Variants in STAG1 observed in about 807,000 individuals in gnomAD.
STAG1 encodes cohesin subunit SA-1.
Under a neutral mutation model 170.9 loss-of-function variants are expected in STAG1, and 26 were observed. That is an observed-to-expected ratio of 0.15 (90% confidence interval 0.11 to 0.21). The LOEUF is 0.21. STAG1 is among the 10% of genes least tolerant of loss of function. The pLI is 1.00. For synonymous variants in STAG1, 514 were observed against 497.7 expected, an observed-to-expected ratio of 1.03 and a Z score of -0.44; for missense variants, 964 against 1,509.5, an observed-to-expected ratio of 0.64 and a Z score of 5.99.
At chr3:136,523,486 ATTGCAAAAATCTTCTCCCATTCTGTAGG>A (rs1440907495) in intron 6 of STAG1, among the ~76,000 whole-genome samples, 211 of 152,162 alleles carry the variant, frequency 1.4e-3, no homozygotes, top group Non-Finnish European at 1.7e-3. Flanking sequence ...AGATGAGTAG[ATTGCAAAAATCTTCTCCCATTCTGTAGG>A]TTGCAAAAAT....
chr3:136,654,311 A>T (rs1414238707), intron 1 of STAG1, among the ~76,000 whole-genome samples: 1 of 152,226 alleles, frequency 6.6e-6, no homozygotes, highest in Non-Finnish European at 1.5e-5. Context: ...AAGTCAACAC[A>T]CATAAAAAAA....
chr3:136,662,038 GC>G (rs1941599892), intron 1 of STAG1, among the ~76,000 whole-genome samples: 1 of 152,064 alleles, frequency 6.6e-6, no homozygotes, highest in Non-Finnish European at 1.5e-5. Flanking sequence ...ATCCTAATAA[GC>G]TGACGTTTCT....
At chr3:136,532,741 T>C (rs1206380506) in intron 6 of STAG1, among the ~76,000 whole-genome samples, 1 of 152,080 alleles carries the variant, frequency 6.6e-6, no homozygotes, top group Non-Finnish European at 1.5e-5. Flanking sequence ...AAATTCTCAA[T>C]AAACTAGGCA....
At chr3:136,670,763 T>C (rs894681109) in intron 1 of STAG1, among the ~76,000 whole-genome samples, 1 of 151,512 alleles carries the variant, frequency 6.6e-6, no homozygotes, top group Non-Finnish European at 1.5e-5. Flanking sequence ...TGAGCCACCA[T>C]GCCCGGACTT....
chr3:136,536,703 CAAAAAAAAAA>C (rs11321017), intron 6 of STAG1, among the ~76,000 whole-genome samples: 1 of 70,934 alleles, frequency 1.4e-5, no homozygotes, highest in South Asian at 5.4e-4. Flanking sequence ...ACTCAGTCTC[CAAAAAAAAAA>C]AAAAAAAAAA....
At chr3:136,551,198 TGAGA>T (rs200132855) in intron 5 of STAG1, among the ~76,000 whole-genome samples, 4 of 43,130 alleles carry the variant, frequency 9.3e-5, no homozygotes, top group Middle Eastern at 0.016. Context: ...AGAGAGAGGT[TGAGA>T]GAGAGTGAGA....
chr3:136,507,245 G>C (rs1933812229), intron 7 of STAG1, among the ~76,000 whole-genome samples: 1 of 152,164 alleles, frequency 6.6e-6, no homozygotes, highest in Admixed American at 6.5e-5. Flanking sequence ...GCTATTATTT[G>C]CATATAACAT....
intron 13 of STAG1, among the ~76,000 whole-genome samples, chr3:136,455,180 C>T (rs2089072672): frequency 6.6e-6 from 1 of 152,116 alleles, no homozygotes; most frequent in African/African-American, 2.4e-5. Flanking sequence ...GTTGTGATAT[C>T]AGCAAGATGG....
At position 136,594,081 on chromosome 3, in the gene STAG1, T is replaced by C. The variant is rs187750275; in HGVS notation, c.297+10228A>G. 5.3e-5 allele frequency among the ~76,000 whole-genome samples: 8 copies of C among 152,360 alleles called. No individual in the cohort carries two copies. In the East Asian group the frequency reaches 1.5e-3, roughly 29 times the overall value. On this transcript the variant is annotated intron_variant, in intron 4 of 33. Transcript: ENST00000383202. ...ATATTAGAAAATTATTAAAACACTTTTATCCATTCTATTAATAGCTCAGAA... is the reference window on the plus strand; with the variant it reads ...ATATTAGAAAATTATTAAAACACTTCTATCCATTCTATTAATAGCTCAGAA...
chr3:136,456,075 C>A (rs190670939), intron 13 of STAG1, among the ~76,000 whole-genome samples: 77 of 152,272 alleles, frequency 5.1e-4, no homozygotes, highest in African/African-American at 1.8e-3. Flanking sequence ...AAAGTGGAAG[C>A]GGTAGCTATC....
chr3:136,519,738 A>T (rs920678396), intron 7 of STAG1, among the ~76,000 whole-genome samples: 4 of 152,108 alleles, frequency 2.6e-5, no homozygotes, highest in African/African-American at 9.7e-5. Flanking sequence ...TGAATAATAA[A>T]CAGTATTTTT....
chr3:136,495,739 C>T (rs1933047222), intron 9 of STAG1, among the ~76,000 whole-genome samples: 1 of 151,948 alleles, frequency 6.6e-6, no homozygotes, highest in Non-Finnish European at 1.5e-5. Context: ...GAGGCTGAGG[C>T]AGGTGGCTCG....
At chr3:136,604,858 C>T (rs1024341625) in intron 3 of STAG1, among the ~76,000 whole-genome samples, 2 of 152,114 alleles carry the variant, frequency 1.3e-5, no homozygotes, top group Non-Finnish European at 2.9e-5. Flanking sequence ...CCATGTTGGC[C>T]AGGCTGGTCT....
At chr3:136,741,093 G>A (rs1934645604) in intron 1 of STAG1, among the ~76,000 whole-genome samples, 1 of 152,202 alleles carries the variant, frequency 6.6e-6, no homozygotes, top group Non-Finnish European at 1.5e-5. Context: ...GTTATATAGT[G>A]AAGGGTCCTG....
intron 4 of STAG1, among the ~76,000 whole-genome samples, chr3:136,582,148 TACCATAGTTC>T (rs1937603702): frequency 1.3e-5 from 2 of 148,498 alleles, no homozygotes; most frequent in Non-Finnish European, 3.0e-5. Context: ...AAAAAGTGCT[TACCATAGTTC>T]CTGCTATAGG....
At chr3:136,570,544 C>G (rs527660714) in intron 4 of STAG1, among the ~76,000 whole-genome samples, 1 of 152,156 alleles carries the variant, frequency 6.6e-6, no homozygotes. Context: ...TATTACAGAA[C>G]CAAGAGCAGA....
At chr3:136,565,116 AAGAAAGGAAAG>A (rs1166019112) in intron 5 of STAG1, among the ~76,000 whole-genome samples, 4 of 147,530 alleles carry the variant, frequency 2.7e-5, no homozygotes, top group South Asian at 4.6e-4. Flanking sequence ...AAGAGAGAGA[AAGAAAGGAAAG>A]AGAAAGGGAA....
chr3:136,703,237 C>T (rs114436530), intron 1 of STAG1, among the ~76,000 whole-genome samples: 1 of 152,206 alleles, frequency 6.6e-6, no homozygotes, highest in Non-Finnish European at 1.5e-5. Flanking sequence ...TTATAGTGTC[C>T]ATGAGTGGGC....
intron 6 of STAG1, among the ~76,000 whole-genome samples, chr3:136,538,011 A>ATTAAAATTTTAATTAATAATTAAAATTT (rs1935722518): frequency 6.6e-6 from 1 of 152,184 alleles, no homozygotes; most frequent in Non-Finnish European, 1.5e-5. Flanking sequence ...ACTTTAAATT[A>ATTAAAATTTTAATTAATAATTAAAATTT]TTATTAAGAC....
Sources: gnomAD v4.1 joint callset for allele counts (sites outside exome capture counted in the v4.1 genomes callset) on GRCh38, gnomAD v4.1.1 for gene constraint, MANE v1.5 for transcripts, NCBI Gene and HGNC (gene_info 2026-07-23, HGNC 2026-07-21) for gene names.